The following BCHE variants were observed in gnomAD, a reference collection of about 807,000 sequenced individuals.
The protein encoded by BCHE is cholinesterase.
In BCHE, 48 loss-of-function variants were observed where a neutral mutation model predicts 51.3. The ratio of observed to expected loss-of-function variants is 0.94; its 90% confidence interval spans 0.74 to 1.19. The LOEUF is 1.19. Ranked by LOEUF, BCHE falls within the 50% of genes most tolerant of loss-of-function variation. The pLI, the probability that BCHE is intolerant of heterozygous loss-of-function variation, is 0.00. For missense variants in BCHE, 847 were observed against 708.2 expected (o/e 1.20, Z -2.23); for synonymous variants, 251 against 238.0 (o/e 1.05, Z -0.50).
At chr3:165,803,696 C>T (rs1391689576) in intron 2 of BCHE, among the ~76,000 whole-genome samples, 1 of 151,908 alleles carries the variant, frequency 6.6e-6, no homozygotes, top group Non-Finnish European at 1.5e-5. Context: ...TCAATATTGA[C>T]CTTGAATTTT....
chr3:165,819,733 G>A (rs1714443389), intron 2 of BCHE, among the ~76,000 whole-genome samples: 1 of 47,696 alleles, frequency 2.1e-5, no homozygotes, highest in Non-Finnish European at 5.1e-5. Context: ...TTATGTTTTT[G>A]CTAAATTCAA....
intron 2 of BCHE, among the ~76,000 whole-genome samples, chr3:165,799,515 T>A (rs1294425277): frequency 6.6e-6 from 1 of 152,138 alleles, no homozygotes; most frequent in African/African-American, 2.4e-5. Context: ...ACATAAAAGA[T>A]GTTGTATATA....
At chr3:165,804,396 A>G (rs1412299139) in intron 2 of BCHE, among the ~76,000 whole-genome samples, 1 of 152,138 alleles carries the variant, frequency 6.6e-6, no homozygotes. Flanking sequence ...CAGTAGTAAA[A>G]CTACATGAAT....
In BCHE at chr3:165,836,490, A is replaced by G. The variant is rs189045132; in HGVS notation, c.-9+824T>C. 9.9e-5 allele frequency among the ~76,000 whole-genome samples: 15 copies of G among 152,104 alleles called. No individual in the cohort carries two copies. The East Asian group carries it at 2.7e-3, about 27-fold the overall frequency. ...AAATATATAATAAATAGAAATCATA[A>G]ACAATGAAATCACATTTCAGTTTAC... On this transcript the variant is annotated intron_variant, in intron 1 of 3. Coordinates refer to ENST00000264381, the MANE Select transcript of BCHE (RefSeq NM_000055.4).
chr3:165,807,464 T>G (rs534775295), intron 2 of BCHE, among the ~76,000 whole-genome samples: 14 of 151,988 alleles, frequency 9.2e-5, no homozygotes, highest in Non-Finnish European at 1.0e-4. Context: ...CATAGTACAC[T>G]CAGATATTTA....
chr3:165,829,599 C>G lies in BCHE; in HGVS notation c.1435G>C (p.Glu479Gln), dbSNP rs972682624. 8.1e-6 allele frequency: 13 copies of G among 1,613,666 alleles called. No homozygotes were observed. The African/African-American group carries it at 1.5e-4, about 18-fold the overall frequency. Reference protein sequence around the residue: ...EIEFVFGLPLERRDNYTKAEE... With the variant: ...EIEFVFGLPLQRRDNYTKAEE... ...GCTTTTGTGTAATTATCTCTTCTTT[C>G]CAGAGGTAAACCAAAGACAAATTCA... The change falls in exon 2 of 4, where the codon GAA becomes CAA. Residue 479 changes from glutamate (E) to glutamine (Q), a missense_variant. Glu to Gln is a conservative substitution (Grantham distance 29, BLOSUM62 2). Transcript: ENST00000264381.
chr3:165,826,682 G>T (rs1256865070), intron 2 of BCHE, among the ~76,000 whole-genome samples: 1 of 152,030 alleles, frequency 6.6e-6, no homozygotes, highest in Non-Finnish European at 1.5e-5. Context: ...TAATTAAGAA[G>T]AATTTATTAA....
chr3:165,821,037 T>TA (rs34856025), intron 2 of BCHE, among the ~76,000 whole-genome samples: 143,707 of 151,772 alleles, frequency 0.95, 68,102 homozygotes, highest in Non-Finnish European at 0.97. Context: ...TTTTCTCACT[T>TA]AAAAAAGTTA....
chr3:165,803,507 T>A (rs1311606024), intron 2 of BCHE, among the ~76,000 whole-genome samples: 1 of 152,252 alleles, frequency 6.6e-6, no homozygotes, highest in Non-Finnish European at 1.5e-5. Context: ...TATTTAACAA[T>A]AATCTGTTAA....
At chr3:165,835,468 T>G (rs77284837) in intron 1 of BCHE, among the ~76,000 whole-genome samples, 3,583 of 151,940 alleles carry the variant, frequency 0.024, 61 homozygotes, top group Non-Finnish European at 0.038. Flanking sequence ...TAAATATTTA[T>G]TTCTACTTGG....
rs1712944478 is a variant in BCHE at position 165,786,213 on chromosome 3, A to C, written c.1616T>G (p.Met539Arg). The C allele has an allele frequency of 6.2e-6, 10 of 1,612,248 alleles. No homozygotes were observed. The East Asian group carries it at 2.2e-4, about 36-fold the overall frequency. The change falls in exon 3 of 4, where the codon ATG (methionine) becomes AGG (arginine). Residue 539 changes from methionine (M) to arginine (R), a missense_variant. Transcript: ENST00000264381. ...ACATTGTTGAGCACGTAGTTTCGTC[A>C]TTATTCTTGTTGACTCTGTATTCAA... ...LTLNTESTRI[M>R]TKLRAQQCRF... is the part of the protein sequence containing the mutation.
At chr3:165,795,063 T>G (rs1713316820) in intron 2 of BCHE, among the ~76,000 whole-genome samples, 1 of 152,154 alleles carries the variant, frequency 6.6e-6, no homozygotes, top group Non-Finnish European at 1.5e-5. Flanking sequence ...TTTGGATGTA[T>G]CTTGGATCAA....
intron 2 of BCHE, among the ~76,000 whole-genome samples, chr3:165,816,684 A>T (rs1714324394): frequency 6.6e-6 from 1 of 151,992 alleles, no homozygotes; most frequent in Non-Finnish European, 1.5e-5. Flanking sequence ...TTCTATACGG[A>T]TACTCCTTTC....
At chr3:165,792,677 G>A (rs116855909) in intron 2 of BCHE, among the ~76,000 whole-genome samples, 1 of 152,010 alleles carries the variant, frequency 6.6e-6, no homozygotes, top group African/African-American at 2.4e-5. Context: ...ATCTCAAATC[G>A]ATTACTAAGA....
chr3:165,799,327 A>C (rs1713551520), intron 2 of BCHE, among the ~76,000 whole-genome samples: 1 of 151,936 alleles, frequency 6.6e-6, no homozygotes, highest in African/African-American at 2.4e-5. Context: ...ATGAACCTAC[A>C]CTCCTGCCTA....
chr3:165,825,420 T>A (rs1714682099), intron 2 of BCHE, among the ~76,000 whole-genome samples: 1 of 151,914 alleles, frequency 6.6e-6, no homozygotes, highest in South Asian at 2.1e-4. Context: ...TTCACAAATG[T>A]TGGTGTAGGG....
rs1712325223 is a variant in BCHE at position 165,773,272 on chromosome 3, A to G, written c.*110T>C. The G allele has an allele frequency of 1.9e-6, 2 of 1,054,246 alleles. No homozygotes were observed. The highest frequency in any genetic ancestry group is 1.6e-5 in the African/African-American group (1 of 62,236). 65.3% of individuals were successfully genotyped at this position (1,054,246 alleles called of 1,614,324 possible). A position where few individuals can be genotyped will look rare whatever the true frequency, so the allele number is the denominator to read the frequency against. On this transcript the variant is annotated 3_prime_UTR_variant, in exon 4 of 4. Coordinates refer to ENST00000264381, the MANE Select transcript of BCHE (RefSeq NM_000055.4). ...GAGGAATCAATATTATCCTTCTGGC[A>G]TTTTTGTTTCAGCTACATAATAACT...
Position 165,773,379 on chromosome 3 carries a change from TA to T in BCHE, c.*2del. The T allele has an allele frequency of 6.2e-7, 1 of 1,609,726 alleles. No individual in the cohort carries two copies. The highest frequency in any genetic ancestry group is 8.5e-7 in the Non-Finnish European group (1 of 1,176,814). The stretch of plus-strand genomic sequence containing the variant: ...TATGTTCTATAAAGGGTAAATCTAT[TA>T]ATTAGAGACCCACACAACTTTCTTT... On this transcript the variant is annotated 3_prime_UTR_variant, in exon 4 of 4. Transcript: ENST00000264381.
chr3:165,786,186 C>A lies in BCHE; in HGVS notation c.1643G>T (p.Arg548Leu), dbSNP rs780597019. 12 of 1,612,066 alleles carry A rather than the reference C, an allele frequency of 7.4e-6. No homozygotes were observed. In the African/African-American group the frequency reaches 1.3e-4, roughly 18 times the overall value. Residue 548 changes from arginine (R) to leucine (L), a missense_variant, in exon 3 of 4, where the codon CGA becomes CTA. Physicochemically the swap from Arg to Leu is moderately radical, Grantham distance 102. Coordinates refer to ENST00000264381, the MANE Select transcript of BCHE (RefSeq NM_000055.4). ...IMTKLRAQQCRFWTSFFPKVL... is the reference protein window; with the variant it reads ...IMTKLRAQQCLFWTSFFPKVL... Reference sequence around the variant, plus strand: ...TTTTGGAAAAAATGATGTCCAGAATCGACATTGTTGAGCACGTAGTTTCGT... The same window carrying A: ...TTTTGGAAAAAATGATGTCCAGAATAGACATTGTTGAGCACGTAGTTTCGT...
Sources: allele counts gnomAD v4.1 joint callset (sites outside exome capture counted in the v4.1 genomes callset), GRCh38; gene constraint gnomAD v4.1.1; transcripts MANE v1.5; gene names NCBI Gene and HGNC (gene_info 2026-07-23, HGNC 2026-07-21).